The following BBC3 variants were observed in gnomAD, a reference collection of about 807,000 sequenced individuals.
The protein encoded by BBC3 is bcl-2-binding component 3.
In BBC3, 5 loss-of-function variants were observed where a neutral mutation model predicts 18.2. The ratio of observed to expected loss-of-function variants is 0.27; its 90% CI spans 0.14 to 0.58. BBC3 has a LOEUF of 0.58. Ranked by LOEUF, BBC3 falls within the 20% of genes least tolerant of loss-of-function variation. The pLI is 0.91. For synonymous variants in BBC3, 119 were observed against 128.0 expected, an observed-to-expected ratio of 0.93 and a Z score of 0.47; for missense variants, 224 against 268.9, an observed-to-expected ratio of 0.83 and a Z score of 1.17.
rs1168990396 is a variant in BBC3 at position 47,221,438 on chromosome 19, C to CCA, written c.*363_*364insTG. On this transcript the variant is annotated 3_prime_UTR_variant, in exon 4 of 4. Transcript: ENST00000439096. Reference sequence around the variant, plus strand: ...CACCGAGAGGAGAGCCCCCCCCTCCCAGTGTCACCCCTGCAGCTGGAACGG... The same window carrying CCA: ...CACCGAGAGGAGAGCCCCCCCCTCCCCAAGTGTCACCCCTGCAGCTGGAACGG... 852 of 265,016 alleles carry CCA rather than the reference C, an allele frequency of 3.2e-3. 94 individuals are homozygous for CCA. Among genetic ancestry groups the CCA allele is most frequent in the African/African-American group, 0.02 (822 of 40,846 alleles). The allele number at this position is 265,016 out of a possible 1,614,324, so 16.4% of individuals were successfully genotyped here. A position where few individuals can be genotyped will look rare whatever the true frequency, so the allele number is the denominator to read the frequency against.
At chr19:47,224,340 A>C (rs867474516) in intron 3 of BBC3, among the ~76,000 whole-genome samples, 2 of 152,132 alleles carry the variant, frequency 1.3e-5, no homozygotes, top group African/African-American at 4.8e-5. Flanking sequence ...ATTTAAAAAT[A>C]GTCTGGGTGA....
intron 3 of BBC3, among the ~76,000 whole-genome samples, 188 bp downstream of exon 3, chr19:47,226,376 C>T (rs2058821100): frequency 6.6e-6 from 1 of 152,010 alleles, no homozygotes; most frequent in Non-Finnish European, 1.5e-5. Flanking sequence ...ATGCCAGCCG[C>T]GGCGCGGAGT....
chr19:47,227,016 C>T, intron 2 of BBC3: 1 of 370,344 alleles, frequency 2.7e-6, no homozygotes. Context: ...AGAGAGGTGA[C>T]CCCGGGGGTG....
Position 47,226,688 on chromosome 19 carries a change from GC to G in BBC3, c.340del (p.Ala114LeufsTer101), listed in dbSNP as rs1568623329. 9 of 1,489,764 alleles carry G rather than the reference GC, an allele frequency of 6.0e-6. No homozygotes were observed. The East Asian group carries it at 8.0e-5, about 13-fold the overall frequency. 92.3% of individuals were successfully genotyped at this position (1,489,764 alleles called of 1,614,324 possible). ...CGCCTGGGTGGGACCGCCCGCCAGA[GC>G]CCCCGGGGCGCTGGGCACGGGCGAC... Reference protein sequence around the residue: ...LESPVPSAPGALAGGPTQAAP... With the variant: ...LESPVPSAPGXLAGGPTQAAP... On this transcript the variant is annotated frameshift_variant, in exon 3 of 4. Transcript: ENST00000439096. LOFTEE classifies it high-confidence loss of function.
chr19:47,229,723 T>C (rs2058886751), intron 1 of BBC3, among the ~76,000 whole-genome samples: 2 of 151,590 alleles, frequency 1.3e-5, no homozygotes, highest in East Asian at 3.9e-4. Flanking sequence ...CTACACTGCA[T>C]AGACCCCACA....
At position 47,221,185 on chromosome 19, in the gene BBC3, G is replaced by C. The variant is rs1204329507; in HGVS notation, c.*617C>G. On this transcript the variant is annotated 3_prime_UTR_variant, in exon 4 of 4. Transcript: ENST00000439096. ...GCAGAGCACAGGATTCACAGTCTGG[G>C]CCCCTCCTGGCCACCCCCTGATGAA... 5.8e-6 allele frequency: 1 copy of C among 173,408 alleles called. No homozygotes were observed. Among genetic ancestry groups the C allele is most frequent in the Admixed American group, 6.4e-5 (1 of 15,720 alleles). 10.7% of individuals were successfully genotyped at this position (173,408 alleles called of 1,614,324 possible). A position where few individuals can be genotyped will look rare whatever the true frequency, so the allele number is the denominator to read the frequency against.
Position 47,226,633 on chromosome 19 carries a change from C to T in BBC3, c.396G>A (p.Gln132=). The T allele has an allele frequency of 1.3e-6, 2 of 1,561,796 alleles. No individual in the cohort carries two copies. Among genetic ancestry groups the T allele is most frequent in the Non-Finnish European group, 1.7e-6 (2 of 1,156,488 alleles). The change falls in exon 3 of 4, where the codon CAG becomes CAA. Residue 132 remains glutamine (Q), a synonymous_variant. Transcript: ENST00000439096. ...AAPGVRGEEE[Q]WAREIGAQLR... ...GCTGGGCCCCGATCTCCCGGGCCCA[C>T]TGTTCCTCCTCCCCGCGGACTCCCG... is the stretch of plus-strand genomic sequence containing the variant.
Position 47,228,333 on chromosome 19 carries a change from C to T in BBC3, c.99G>A (p.Ser33=), listed in dbSNP as rs761761200. 1.6e-6 allele frequency: 2 copies of T among 1,228,282 alleles called. No homozygotes were observed. Among genetic ancestry groups the T allele is most frequent in the East Asian group, 6.4e-5 (2 of 31,466 alleles). The allele number at this position is 1,228,282 out of a possible 1,614,324, so 76.1% of individuals were successfully genotyped here. Reference sequence around the variant, plus strand: ...GCTCGCAGAGGCCGCAGGACACTGCCGAGGGCACCAGGCGGCCGAGCGGGA... The same window carrying T: ...GCTCGCAGAGGCCGCAGGACACTGCTGAGGGCACCAGGCGGCCGAGCGGGA... ...RPFPLGRLVP[S]AVSCGLCEPG... Residue 33 remains serine (S), a synonymous_variant, in exon 2 of 4, where the codon TCG becomes TCA. Coordinates refer to ENST00000439096, the MANE Select transcript of BBC3 (RefSeq NM_014417.5). The surrounding 1 kb of genome is among the most constrained non-coding windows in gnomAD (Gnocchi z 5.5).
At position 47,225,245 on chromosome 19, in the gene BBC3, A is replaced by T. The variant is rs182902444; in HGVS notation, c.465+1319T>A. ...GTATTTTTAGTAGAGACGAGGTTTCACCATGTTGGCCAGACTGGTCTCAAA... is the reference window on the plus strand; with the variant it reads ...GTATTTTTAGTAGAGACGAGGTTTCTCCATGTTGGCCAGACTGGTCTCAAA... On this transcript the variant is annotated intron_variant, in intron 3 of 3. Coordinates refer to ENST00000439096, the MANE Select transcript of BBC3 (RefSeq NM_014417.5). Among the ~76,000 whole-genome samples the T allele has an allele frequency of 2.2e-3, 326 of 150,386 alleles. 3 individuals carry two copies. Among genetic ancestry groups the T allele is most frequent in the African/African-American group, 7.5e-3 (306 of 40,858 alleles).
rs2058860454 is a variant in BBC3 at position 47,228,138 on chromosome 19, G to A, written c.274+20C>T. ...TCTCTTCCCGGCTCCTATCACCCCG[G>A]GGGCGGGGCGGGCACTCACCGTCCG... On this transcript the variant is annotated intron_variant, in intron 2 of 3. Coordinates refer to ENST00000439096, the MANE Select transcript of BBC3 (RefSeq NM_014417.5). This position sits in a 1 kb window ranked among gnomAD's most constrained non-coding sequence, Gnocchi z 5.5. 3 of 1,228,592 alleles carry A rather than the reference G, an allele frequency of 2.4e-6. No individual in the cohort carries two copies. In the East Asian group the frequency reaches 9.4e-5, roughly 39 times the overall value. The allele number at this position is 1,228,592 out of a possible 1,614,324, so 76.1% of individuals were successfully genotyped here. A position where few individuals can be genotyped will look rare whatever the true frequency, so the allele number is the denominator to read the frequency against.
At chr19:47,227,940 C>G (rs372348996) in intron 2 of BBC3, among the ~76,000 whole-genome samples, 3 of 152,262 alleles carry the variant, frequency 2.0e-5, no homozygotes, top group South Asian at 4.1e-4. Flanking sequence ...GGACTGCAGT[C>G]AGATTCCAGG....
At position 47,228,287 on chromosome 19, in the gene BBC3, C is replaced by T. The variant is rs1600249212; in HGVS notation, c.145G>A (p.Ala49Thr). ...LCEPGLAAAP[A>T]APTLLPAAYL... ...GCAGCGGGCAGCAGGGTGGGGGCGG[C>T]GGGGGCGGCAGCCAGGCCGGGCTCG... is the stretch of plus-strand genomic sequence containing the variant. Residue 49 changes from alanine to threonine, a missense_variant, in exon 2 of 4, where the codon GCC (alanine) becomes ACC (threonine). Ala to Thr is a moderately conservative substitution (Grantham distance 58). Coordinates refer to ENST00000439096, the MANE Select transcript of BBC3 (RefSeq NM_014417.5). This position sits in a 1 kb window ranked among gnomAD's most constrained non-coding sequence, Gnocchi z 5.5. The T allele has an allele frequency of 1.3e-5, 2 of 153,732 alleles. No individual in the cohort carries two copies. Among genetic ancestry groups the T allele is most frequent in the Non-Finnish European group, 1.0e-5 (1 of 96,080 alleles). 9.5% of individuals were successfully genotyped at this position (153,732 alleles called of 1,614,324 possible).
upstream of BBC3, chr19:47,232,618 T>A: frequency 6.6e-7 from 1 of 1,522,362 alleles, no homozygotes; most frequent in Non-Finnish European, 8.9e-7. Flanking sequence ...CTCATAGCTT[T>A]CCATTCCGTT....
rs973858382 is a variant in BBC3, at chr19:47,221,236, G to A, written c.*566C>T. 1.7e-5 allele frequency: 3 copies of A among 175,790 alleles called. No individual in the cohort carries two copies. Among genetic ancestry groups the A allele is most frequent in the South Asian group, 1.2e-4 (1 of 8,664 alleles). The allele number at this position is 175,790 out of a possible 1,614,324, so 10.9% of individuals were successfully genotyped here. A position where few individuals can be genotyped will look rare whatever the true frequency, so the allele number is the denominator to read the frequency against. On this transcript the variant is annotated 3_prime_UTR_variant, in exon 4 of 4. Coordinates refer to ENST00000439096, the MANE Select transcript of BBC3 (RefSeq NM_014417.5). ...GGTGAGGCAGGCATGCCCACCACCC[G>A]CCGGCTGGCTCAGGGAAGATGGCTG...
Position 47,230,724 on chromosome 19 carries a change from T to A in BBC3, c.-16+205A>T. The stretch of plus-strand genomic sequence containing the variant: ...AAACCCGCCAGACCGCCGAGGCACC[T>A]GTGCGCCCAGACCGGCGCCCCAACG... On this transcript the variant is annotated intron_variant, in intron 1 of 3. Transcript: ENST00000439096. This position sits in a 1 kb window ranked among gnomAD's most constrained non-coding sequence, Gnocchi z 6.7. 1 of 984,898 alleles carries A rather than the reference T, an allele frequency of 1.0e-6. No homozygotes were observed. The highest frequency in any genetic ancestry group is 4.7e-5 in the South Asian group (1 of 21,282). The allele number at this position is 984,898 out of a possible 1,614,324, so 61.0% of individuals were successfully genotyped here. A position where few individuals can be genotyped will look rare whatever the true frequency, so the allele number is the denominator to read the frequency against.
chr19:47,223,842 A>G (rs1426477558), intron 3 of BBC3, among the ~76,000 whole-genome samples: 3 of 152,134 alleles, frequency 2.0e-5, no homozygotes, highest in Non-Finnish European at 4.4e-5. Context: ...GGATTGGTGT[A>G]AGTTACAAAA....
intron 1 of BBC3, among the ~76,000 whole-genome samples, chr19:47,229,753 C>G (rs2058887088): frequency 6.6e-6 from 1 of 151,818 alleles, no homozygotes; most frequent in African/African-American, 2.4e-5. Context: ...TCCTCAAATC[C>G]CAGACGCTGA....
chr19:47,231,037 G>GTC lies in BBC3; in HGVS notation c.-126_-125dup. The GTC allele has an allele frequency of 1.0e-6, 1 of 982,334 alleles. No homozygotes were observed. The highest frequency in any genetic ancestry group is 1.2e-6 in the Non-Finnish European group (1 of 826,330). The allele number at this position is 982,334 out of a possible 1,614,324, so 60.9% of individuals were successfully genotyped here. A position where few individuals can be genotyped will look rare whatever the true frequency, so the allele number is the denominator to read the frequency against. On this transcript the variant is annotated 5_prime_UTR_variant, in exon 1 of 4. Transcript: ENST00000439096. The surrounding 1 kb of genome is among the most constrained non-coding windows in gnomAD (Gnocchi z 4.0). ...CTCCGCGGCGGCTGCTGCTGTGGCT[G>GTC]TCGCTGCTGCTGCCGCTCTAACTGC...
intron 3 of BBC3, chr19:47,222,502 AG>A (rs1215273301): frequency 6.6e-6 from 1 of 152,286 alleles, no homozygotes; most frequent in Non-Finnish European, 1.5e-5. Context: ...GCTAGGTCCT[AG>A]GAAAGGCTCC....
Sources: allele counts gnomAD v4.1 joint callset (sites outside exome capture counted in the v4.1 genomes callset), GRCh38; gene constraint gnomAD v4.1.1; non-coding constraint Gnocchi (gnomAD v3.1); transcripts MANE v1.5; gene names NCBI Gene and HGNC (gene_info 2026-07-23, HGNC 2026-07-21).